Variants in RET observed in about 807,000 individuals in gnomAD.
RET encodes the protein ret proto-oncogene.
RET carries 19 observed loss-of-function variants against 118.3 expected under a neutral mutation model. The ratio of observed to expected loss-of-function variants is 0.16; its 90% CI spans 0.11 to 0.24. The LOEUF (loss-of-function observed/expected upper bound fraction) is 0.24, where lower values mean the gene tolerates loss of function less well. RET is among the 10% of genes least tolerant of loss of function. The probability of loss-of-function intolerance (pLI) is 1.00; values close to 1 mark genes in which losing one functional copy is unlikely to be tolerated. For synonymous variants in RET, 597 were observed against 644.1 expected (o/e 0.93, Z 1.11); for missense variants, 1,219 against 1,502.1 (o/e 0.81, Z 3.12).
At chr10:43,093,473 G>C (rs1347934250) in intron 1 of RET, among the ~76,000 whole-genome samples, 2 of 152,224 alleles carry the variant, frequency 1.3e-5, no homozygotes, top group South Asian at 2.1e-4. Context: ...AAGGAGTAGA[G>C]AGAGCAAGGC....
At chr10:43,077,436 G>A (rs1837071524) in intron 1 of RET, 105 bp downstream of exon 1, 1 of 1,334,142 alleles carries the variant, frequency 7.5e-7, no homozygotes, top group Admixed American at 3.2e-5. Flanking sequence ...CGTGGGCAGC[G>A]GGCTGTGCGG....
At chr10:43,083,831 A>G (rs1253267446) in intron 1 of RET, among the ~76,000 whole-genome samples, 1 of 152,206 alleles carries the variant, frequency 6.6e-6, no homozygotes, top group African/African-American at 2.4e-5. Context: ...TTATAAGTGA[A>G]CCATTTGGTG....
chr10:43,107,360 C>T (rs920953542), intron 5 of RET, among the ~76,000 whole-genome samples: 2 of 152,200 alleles, frequency 1.3e-5, no homozygotes, highest in African/African-American at 4.8e-5. Flanking sequence ...ATTGTTTCCA[C>T]CACATGAGAT....
chr10:43,114,832 G>T lies in RET; in HGVS notation c.2136+96G>T, dbSNP rs189467137. On this transcript the variant is annotated intron_variant, in intron 11 of 19. Coordinates refer to ENST00000355710, the MANE Select transcript of RET (RefSeq NM_020975.6). This position sits in a 1 kb window ranked among gnomAD's most constrained non-coding sequence, Gnocchi z 4.6. ...GGGGAGACAGAGGCCATCCTGTGAG[G>T]GGCTGCCAACGCTGGGCAGACGAGG... is the stretch of plus-strand genomic sequence containing the variant. 1.8e-5 allele frequency: 24 copies of T among 1,358,256 alleles called. No individual in the cohort carries two copies. In the East Asian group the frequency reaches 5.8e-4, roughly 33 times the overall value. The allele number at this position is 1,358,256 out of a possible 1,614,324, so 84.1% of individuals were successfully genotyped here.
chr10:43,113,662 C>G lies in RET; in HGVS notation c.1866C>G (p.Pro622=), dbSNP rs201979255. 1.4e-5 allele frequency: 22 copies of G among 1,613,218 alleles called. No individual in the cohort carries two copies. In the African/African-American group the frequency reaches 2.1e-4, roughly 16 times the overall value. ...FPEEEKCFCE[P]EDIQDPLCDE... Reference sequence around the variant, plus strand: ...AGGAGGAGAAGTGCTTCTGCGAGCCCGAAGACATCCAGGGTGAGTGGGTGG... The same window carrying G: ...AGGAGGAGAAGTGCTTCTGCGAGCCGGAAGACATCCAGGGTGAGTGGGTGG... Residue 622 remains proline, a synonymous_variant, in exon 10 of 20, where the codon CCC becomes CCG. Coordinates refer to ENST00000355710, the MANE Select transcript of RET (RefSeq NM_020975.6).
At chr10:43,089,920 G>A (rs769926085) in intron 1 of RET, among the ~76,000 whole-genome samples, 1 of 152,256 alleles carries the variant, frequency 6.6e-6, no homozygotes, top group Non-Finnish European at 1.5e-5. Flanking sequence ...GGCAGAGATC[G>A]GGGCTGGGAC....
chr10:43,108,942 A>T lies in RET; in HGVS notation c.1064-89A>T, dbSNP rs1864404. The T allele has an allele frequency of 0.74, 946,185 of 1,271,358 alleles. 354,694 individuals are homozygous for T. Among genetic ancestry groups the T allele is most frequent in the African/African-American group, 0.95 (64,793 of 68,428 alleles). 78.8% of individuals were successfully genotyped at this position (1,271,358 alleles called of 1,614,324 possible). A position where few individuals can be genotyped will look rare whatever the true frequency, so the allele number is the denominator to read the frequency against. ...GAAAGTGCGTGTTTGCACCAGTGTG[A>T]GTGCAGGGCTGTGTCTGGGAAGAGG... is the stretch of plus-strand genomic sequence containing the variant. On this transcript the variant is annotated intron_variant, in intron 5 of 19. Transcript: ENST00000355710.
chr10:43,093,983 T>TC (rs1837465825), intron 1 of RET, among the ~76,000 whole-genome samples: 1 of 151,864 alleles, frequency 6.6e-6, no homozygotes, highest in South Asian at 2.1e-4. Flanking sequence ...GGCCACGGGC[T>TC]CCAGGGTGTT....
At chr10:43,091,162 G>A (rs1381982380) in intron 1 of RET, among the ~76,000 whole-genome samples, 2 of 152,050 alleles carry the variant, frequency 1.3e-5, no homozygotes, top group Non-Finnish European at 2.9e-5. Context: ...GGATGAATTG[G>A]GCTACATCAA....
At chr10:43,126,785 C>G (rs750508235) in intron 19 of RET, 63 bp downstream of exon 19, 1 of 1,584,462 alleles carries the variant, frequency 6.3e-7, no homozygotes, top group East Asian at 2.3e-5. Flanking sequence ...TATCCTTCCT[C>G]TCTGTGATGC....
chr10:43,113,899 A>G (rs2132835674), intron 10 of RET, among the ~76,000 whole-genome samples: 2 of 152,296 alleles, frequency 1.3e-5, no homozygotes, highest in South Asian at 4.1e-4. Context: ...CCAGAAAAGC[A>G]GTTCTTCCAC....
At chr10:43,111,079 G>T (rs1837906884) in intron 6 of RET, 128 bp from the exon 7 acceptor site, 3 of 1,341,142 alleles carry the variant, frequency 2.2e-6, no homozygotes, top group Non-Finnish European at 3.1e-6. Context: ...AGGGTGCTCG[G>T]GGGGGCTGCT....
rs1554817407 is a variant in RET at position 43,100,684 on chromosome 10, G to A, written c.299G>A (p.Ser100Asn). 4 of 1,609,288 alleles carry A rather than the reference G, an allele frequency of 2.5e-6. No homozygotes were observed. Among genetic ancestry groups the A allele is most frequent in the African/African-American group, 1.3e-5 (1 of 74,984 alleles). ...ACCGGCCTCCTCTACCTTAACCGGAGCCTGGACCATAGCTCCTGGGAGAAG... is the reference window on the plus strand; with the variant it reads ...ACCGGCCTCCTCTACCTTAACCGGAACCTGGACCATAGCTCCTGGGAGAAG... ...EDTGLLYLNR[S>N]LDHSSWEKLS... Residue 100 changes from serine to asparagine, a missense_variant, in exon 2 of 20, where the codon AGC becomes AAC. Ser to Asn is a conservative substitution (Grantham distance 46, BLOSUM62 1). Coordinates refer to ENST00000355710, the MANE Select transcript of RET (RefSeq NM_020975.6).
chr10:43,111,486 G>T, intron 7 of RET, 21 bp downstream of exon 7: 2 of 1,600,332 alleles, frequency 1.2e-6, no homozygotes, highest in South Asian at 2.2e-5. Flanking sequence ...GCTCCAGGGA[G>T]GGAGGGTCGG....
At chr10:43,101,765 T>G (rs190122671) in intron 2 of RET, among the ~76,000 whole-genome samples, 1 of 152,138 alleles carries the variant, frequency 6.6e-6, no homozygotes, top group Non-Finnish European at 1.5e-5. Flanking sequence ...AAGAATTAAT[T>G]ACAACAGGGG....
chr10:43,119,412 T>C (rs1838148159), intron 13 of RET, 119 bp from the exon 14 acceptor site: 1 of 746,124 alleles, frequency 1.3e-6, no homozygotes, highest in African/African-American at 1.7e-5. Context: ...CAGGGCTGTG[T>C]CCACCCCCTT....
At chr10:43,090,556 C>G (rs939830400) in intron 1 of RET, among the ~76,000 whole-genome samples, 17 of 152,120 alleles carry the variant, frequency 1.1e-4, no homozygotes, top group Admixed American at 9.2e-4. Context: ...AGGTGACTCT[C>G]AAGCCAGGGC....
chr10:43,094,096 G>T (rs1837468263), intron 1 of RET, among the ~76,000 whole-genome samples: 1 of 150,980 alleles, frequency 6.6e-6, no homozygotes, highest in Non-Finnish European at 1.5e-5. Context: ...AGCGGTGGGG[G>T]GGTGGGGGTG....
rs1051028833 is a variant in RET at position 43,129,341 on chromosome 10, A to G, written c.*1072A>G. 4 of 233,632 alleles carry G rather than the reference A, an allele frequency of 1.7e-5. No homozygotes were observed. Among genetic ancestry groups the G allele is most frequent in the African/African-American group, 8.8e-5 (4 of 45,346 alleles). The allele number at this position is 233,632 out of a possible 1,614,324, so 14.5% of individuals were successfully genotyped here. On this transcript the variant is annotated 3_prime_UTR_variant, in exon 20 of 20. Coordinates refer to ENST00000355710, the MANE Select transcript of RET (RefSeq NM_020975.6). ...ACCAAGGACTGCTACACCTCTGATT[A>G]CAATTCTGATGTGAAAAAGATGGTG...
Sources: gnomAD v4.1 joint callset for allele counts (sites outside exome capture counted in the v4.1 genomes callset) on GRCh38, gnomAD v4.1.1 for gene constraint, Gnocchi (gnomAD v3.1) non-coding constraint, MANE v1.5 for transcripts, NCBI Gene and HGNC (gene_info 2026-07-23, HGNC 2026-07-21) for gene names.